ZFHX3: variants seen among roughly 807,000 people sequenced by gnomAD.
The protein encoded by ZFHX3 is zinc finger homeobox 3.
A neutral mutation model predicts 279.1 loss-of-function variants in ZFHX3; 42 were observed. The ratio of observed to expected loss-of-function variants is 0.15; its 90% CI spans 0.12 to 0.19. The LOEUF is 0.19. Ranked by LOEUF, ZFHX3 falls within the 10% of genes least tolerant of loss-of-function variation. ZFHX3 has a pLI of 1.00. For synonymous variants in ZFHX3, 2,293 were observed against 1,957.8 expected (o/e 1.17, Z -4.52); for missense variants, 4,981 against 4,754.0 (o/e 1.05, Z -1.40).
chr16:73,584,076 G>C (rs1316625307), intron 2 of ZFHX3, among the ~76,000 whole-genome samples: 1 of 152,154 alleles, frequency 6.6e-6, no homozygotes, highest in Non-Finnish European at 1.5e-5. Context: ...GACAGAATTA[G>C]TGAATTGGAA....
At position 73,411,833 on chromosome 16, in the gene ZFHX3, A is replaced by G. The variant is rs1005373344; in HGVS notation, c.-1291+44170T>C. ...TCCTTACTCCTGTTGTGTTTCATGA[A>G]TTTCTATGGCCTGCCTGTCTCCTTA... On this transcript the variant is annotated intron_variant, in intron 3 of 17. Transcript: ENST00000641206. Among the ~76,000 whole-genome samples, 3 of 152,130 alleles carry G rather than the reference A, an allele frequency of 2.0e-5. No individual in the cohort carries two copies. In the East Asian group the frequency reaches 5.8e-4, roughly 29 times the overall value.
intron 1 of ZFHX3, among the ~76,000 whole-genome samples, chr16:73,853,200 C>G (rs1430015731): frequency 6.6e-6 from 1 of 152,124 alleles, no homozygotes; most frequent in Non-Finnish European, 1.5e-5. Context: ...GGTGGCAAAA[C>G]AAAGGAACAC....
intron 1 of ZFHX3, among the ~76,000 whole-genome samples, chr16:73,775,701 T>C (rs1013650549): frequency 6.6e-6 from 1 of 152,036 alleles, no homozygotes. Flanking sequence ...CCAGAGGAAA[T>C]AGTTTTCAGA....
intron 1 of ZFHX3, among the ~76,000 whole-genome samples, chr16:73,745,764 G>A (rs1176817446): frequency 6.6e-6 from 1 of 152,110 alleles, no homozygotes; most frequent in African/African-American, 2.4e-5. Flanking sequence ...CTGACCCATT[G>A]GTGTTGGTGT....
intron 1 of ZFHX3, among the ~76,000 whole-genome samples, chr16:73,026,566 A>G (rs1231531171): frequency 7.0e-5 from 10 of 142,302 alleles, no homozygotes; most frequent in African/African-American, 2.4e-4. Context: ...AGCTACTTGG[A>G]AGGCTGAGGC....
chr16:72,963,180 C>T (rs555106427), intron 1 of ZFHX3, among the ~76,000 whole-genome samples: 9 of 152,168 alleles, frequency 5.9e-5, no homozygotes, highest in African/African-American at 1.2e-4. Flanking sequence ...CAGCCTGACA[C>T]GCACACCTCT....
intron 1 of ZFHX3, among the ~76,000 whole-genome samples, chr16:73,824,257 T>C (rs1381292014): frequency 6.6e-6 from 1 of 152,194 alleles, no homozygotes. Flanking sequence ...AGTCATCTTA[T>C]CAGGACAGAG....
At chr16:73,666,843 A>G (rs753017737) in intron 2 of ZFHX3, among the ~76,000 whole-genome samples, 13 of 151,942 alleles carry the variant, frequency 8.6e-5, no homozygotes, top group Admixed American at 7.9e-4. Context: ...CCAGAATGCA[A>G]TGAAATGGAA....
chr16:73,238,796 A>G (rs2013031287), intron 5 of ZFHX3, among the ~76,000 whole-genome samples: 1 of 152,126 alleles, frequency 6.6e-6, no homozygotes, highest in Non-Finnish European at 1.5e-5. Flanking sequence ...AAAATGCCCC[A>G]TAACTCTTTC....
rs371353114 is a variant in ZFHX3 at position 72,950,804 on chromosome 16, G to C, written c.2881C>G (p.Leu961Val). Reference protein sequence around the residue: ...NKFTTDNLDMLGLHMNVERSL... With the variant: ...NKFTTDNLDMVGLHMNVERSL... ...CGCTCCACGTTCATGTGCAGGCCCA[G>C]CATGTCCAGGTTGTCCGTCGTGAAC... The change falls in exon 3 of 10, where the codon CTG becomes GTG. Residue 961 changes from leucine to valine, a missense_variant. This residue lies in a region of ZFHX3 where 1,751 missense variants were observed against 1,770.0 expected (regional missense o/e 0.99). Transcript: ENST00000268489. The C allele has an allele frequency of 6.2e-7, 1 of 1,614,072 alleles. No homozygotes were observed. The highest frequency in any genetic ancestry group is 1.3e-5 in the African/African-American group (1 of 74,946).
chr16:73,783,858 A>C (rs1438353556), intron 1 of ZFHX3, among the ~76,000 whole-genome samples: 2 of 152,166 alleles, frequency 1.3e-5, no homozygotes, highest in African/African-American at 4.8e-5. Context: ...AATTACATAG[A>C]GTTGTCCTCA....
chr16:73,540,300 C>T (rs562795888), intron 2 of ZFHX3, among the ~76,000 whole-genome samples: 2 of 152,194 alleles, frequency 1.3e-5, no homozygotes, highest in African/African-American at 2.4e-5. Flanking sequence ...CCTGCTTTCA[C>T]GTGAAACTCT....
intron 2 of ZFHX3, among the ~76,000 whole-genome samples, chr16:73,671,649 G>A (rs1459169593): frequency 6.6e-6 from 1 of 152,200 alleles, no homozygotes; most frequent in Non-Finnish European, 1.5e-5. Context: ...AAGAAAAGGA[G>A]TAGTCAATAT....
intron 1 of ZFHX3, among the ~76,000 whole-genome samples, chr16:73,848,485 G>T (rs886984094): frequency 6.6e-6 from 1 of 152,084 alleles, no homozygotes; most frequent in African/African-American, 2.4e-5. Context: ...CCCCTCAAAC[G>T]CAATAGACCA....
intron 2 of ZFHX3, among the ~76,000 whole-genome samples, chr16:73,676,545 A>C (rs1242263830): frequency 1.3e-5 from 2 of 152,126 alleles, no homozygotes; most frequent in Admixed American, 1.3e-4. Flanking sequence ...ATGCCCAAAG[A>C]CAGAGAACGA....
intron 7 of ZFHX3, chr16:72,809,380 A>T (rs538995033): frequency 6.6e-6 from 1 of 152,212 alleles, no homozygotes. Flanking sequence ...GATGGGAAGT[A>T]CAATGAGGCC....
chr16:73,232,763 C>T (rs2012817128), intron 5 of ZFHX3: 1 of 152,244 alleles, frequency 6.6e-6, no homozygotes, highest in Admixed American at 6.5e-5. Flanking sequence ...TTACTTCCAA[C>T]TGCCTTGCGG....
At chr16:73,856,912 T>C (rs1961744643) in intron 1 of ZFHX3, among the ~76,000 whole-genome samples, 2 of 152,198 alleles carry the variant, frequency 1.3e-5, no homozygotes, top group South Asian at 2.1e-4. Context: ...CAGAGGTAAG[T>C]ATTGCTGTGA....
At chr16:73,699,596 A>G (rs1434367341) in intron 1 of ZFHX3, among the ~76,000 whole-genome samples, 2 of 152,222 alleles carry the variant, frequency 1.3e-5, no homozygotes, top group Non-Finnish European at 2.9e-5. Flanking sequence ...ACTAGCTAGC[A>G]TTTATTAAGT....
Sources: allele counts gnomAD v4.1 joint callset (sites outside exome capture counted in the v4.1 genomes callset), GRCh38; gene constraint gnomAD v4.1.1; regional missense constraint gnomAD v4.1.1; transcripts MANE v1.5; gene names NCBI Gene and HGNC (gene_info 2026-07-23, HGNC 2026-07-21).